The following CNR2 variants were observed in gnomAD, a reference collection of about 807,000 sequenced individuals.
CNR2 encodes the protein cannabinoid receptor 2.
For missense variants in CNR2, 379 were observed against 439.9 expected (o/e 0.86, Z 1.24); for synonymous variants, 172 against 182.2 (o/e 0.94, Z 0.45).
rs1405036437 is a variant in CNR2 at position 23,885,653 on chromosome 1, GT to G, written c.-45-9992del. Among the ~76,000 whole-genome samples, 9 of 151,632 alleles carry G rather than the reference GT, an allele frequency of 5.9e-5. 1 individual carries two copies. The highest frequency in any genetic ancestry group is 1.3e-4 in the Non-Finnish European group (9 of 67,784). ...CCAGCACTCTGGGAGGCTGAAGCAG[GT>G]GGATCACGAGATCAGGAGTTTGAGA... is the stretch of plus-strand genomic sequence containing the variant. On this transcript the variant is annotated intron_variant, in intron 1 of 1. Coordinates refer to ENST00000374472, the MANE Select transcript of CNR2 (RefSeq NM_001841.3).
intron 1 of CNR2, chr1:23,901,524 T>C (rs930790519): frequency 6.2e-7 from 1 of 1,603,850 alleles, no homozygotes; most frequent in African/African-American, 1.3e-5. Context: ...CCAGTCCCGT[T>C]GGTGCTGTCC....
intron 1 of CNR2, among the ~76,000 whole-genome samples, chr1:23,883,289 G>A (rs1396686061): frequency 2.0e-5 from 3 of 152,252 alleles, no homozygotes; most frequent in African/African-American, 7.2e-5. Flanking sequence ...ACTTTGAAGA[G>A]CAGCTTGGCA....
intron 1 of CNR2, chr1:23,902,796 C>T (rs1640423968): frequency 2.8e-6 from 4 of 1,427,210 alleles, no homozygotes; most frequent in African/African-American, 1.5e-5. Context: ...TGCGCGGGCG[C>T]GGGCGCGGGG....
At position 23,874,590 on chromosome 1, in the gene CNR2, T is replaced by C; in HGVS notation, c.1028A>G (p.Asp343Gly). The part of the protein sequence containing the change: ...PRSSVTETEA[D>G]GKITPWPDSR... The stretch of plus-strand genomic sequence containing the variant: ...ATCTGGCCACGGAGTGATTTTCCCA[T>C]CAGCCTCTGTCTCGGTGACTGAGGA... Residue 343 changes from aspartate (D) to glycine (G), a missense_variant, in exon 2 of 2, where the codon GAT becomes GGT. Asp to Gly is a moderately conservative substitution (Grantham distance 94). Coordinates refer to ENST00000374472, the MANE Select transcript of CNR2 (RefSeq NM_001841.3). 6.2e-7 allele frequency: 1 copy of C among 1,614,102 alleles called. No homozygotes were observed. Among genetic ancestry groups the C allele is most frequent in the Non-Finnish European group, 8.5e-7 (1 of 1,180,004 alleles).
intron 1 of CNR2, among the ~76,000 whole-genome samples, chr1:23,910,175 G>T (rs576549592): frequency 7.9e-6 from 1 of 125,880 alleles, no homozygotes; most frequent in East Asian, 2.3e-4. Context: ...TTCCTAGACT[G>T]GTCTTGAAGT....
At chr1:23,898,335 C>CCATT (rs1230917304) in intron 1 of CNR2, among the ~76,000 whole-genome samples, 1 of 108,192 alleles carries the variant, frequency 9.2e-6, no homozygotes, top group South Asian at 2.9e-4. Context: ...CCGCGCCCGG[C>CCATT]TTTTTTTTTT....
At chr1:23,876,467 T>A (rs894212323) in intron 1 of CNR2, among the ~76,000 whole-genome samples, 7 of 151,688 alleles carry the variant, frequency 4.6e-5, no homozygotes, top group Non-Finnish European at 1.0e-4. Context: ...CCTCCTAAAG[T>A]GCTGGAATTA....
At chr1:23,885,857 G>T (rs535095534) in intron 1 of CNR2, among the ~76,000 whole-genome samples, 180 of 148,406 alleles carry the variant, frequency 1.2e-3, no homozygotes, top group African/African-American at 4.3e-3. Flanking sequence ...CAGCCTGGGC[G>T]ACATAGCGAG....
At chr1:23,894,769 A>AG (rs1446306759) in intron 1 of CNR2, among the ~76,000 whole-genome samples, 1 of 93,504 alleles carries the variant, frequency 1.1e-5, no homozygotes, top group Non-Finnish European at 2.2e-5. Context: ...TTGTCTCAAA[A>AG]AAAAAAAGAA....
intron 1 of CNR2, among the ~76,000 whole-genome samples, chr1:23,890,866 TCTGG>T (rs1460251514): frequency 7.2e-6 from 1 of 138,788 alleles, no homozygotes; most frequent in Non-Finnish European, 1.5e-5. Flanking sequence ...TTAGTCCCCC[TCTGG>T]TCTTCTTCTT....
intron 1 of CNR2, among the ~76,000 whole-genome samples, chr1:23,900,517 T>C (rs1289316865): frequency 6.7e-6 from 1 of 150,352 alleles, no homozygotes; most frequent in African/African-American, 2.4e-5. Context: ...TTTTTTTTTT[T>C]TTTTTTTTGA....
At chr1:23,888,169 T>A (rs985269328) in intron 1 of CNR2, among the ~76,000 whole-genome samples, 1 of 152,180 alleles carries the variant, frequency 6.6e-6, no homozygotes, top group African/African-American at 2.4e-5. Context: ...ACTGAGCCAG[T>A]GTACACCTTA....
chr1:23,876,709 C>T (rs1639882297), intron 1 of CNR2, among the ~76,000 whole-genome samples: 2 of 151,876 alleles, frequency 1.3e-5, no homozygotes, highest in African/African-American at 2.4e-5. Flanking sequence ...ATGGCACGTG[C>T]CTGTAGTCCC....
chr1:23,880,618 T>A (rs1043143128), intron 1 of CNR2, among the ~76,000 whole-genome samples: 1 of 152,020 alleles, frequency 6.6e-6, no homozygotes, highest in Non-Finnish European at 1.5e-5. Context: ...CAGGCTGGAG[T>A]GCAATGGCGC....
At chr1:23,909,445 G>T (rs146619839) in intron 1 of CNR2, among the ~76,000 whole-genome samples, 185 of 152,256 alleles carry the variant, frequency 1.2e-3, no homozygotes, top group African/African-American at 4.4e-3. Context: ...CCTCTCCCGA[G>T]ACTTCAGTGT....
Position 23,874,934 on chromosome 1 carries a change from G to A in CNR2, c.684C>T (p.Asp228=), listed in dbSNP as rs760759238. Residue 228 remains aspartate, a synonymous_variant, in exon 2 of 2, where the codon GAC becomes GAT. Transcript: ENST00000374472. ...TTCGGGCCATTCCTGGCACCTGCCT[G>A]TCCTGGTGGCCAGACAAGCTGGCCA... ...QHVASLSGHQ[D]RQVPGMARMR... The A allele has an allele frequency of 1.1e-5, 17 of 1,612,440 alleles. No homozygotes were observed. The East Asian group carries it at 3.3e-4, about 32-fold the overall frequency.
chr1:23,890,601 C>T lies in CNR2; in HGVS notation c.-45-14939G>A, dbSNP rs557341240. Among the ~76,000 whole-genome samples, 10 of 151,950 alleles carry T rather than the reference C, an allele frequency of 6.6e-5. No individual in the cohort carries two copies. The South Asian group carries it at 1.7e-3, about 25-fold the overall frequency. On this transcript the variant is annotated intron_variant, in intron 1 of 1. Transcript: ENST00000374472. ...TCTCTACTAAAAATACAAAATTAGC[C>T]GGGCGTGGTGGTGCACTCTTGTAAT...
At chr1:23,893,815 C>G (rs898210225) in intron 1 of CNR2, among the ~76,000 whole-genome samples, 1 of 152,164 alleles carries the variant, frequency 6.6e-6, no homozygotes, top group Non-Finnish European at 1.5e-5. Flanking sequence ...GAAATTGGGG[C>G]TCAGGAATGT....
Position 23,875,604 on chromosome 1 carries a change from C to T in CNR2, c.14G>A (p.Trp5Ter), listed in dbSNP as rs202092094. The T allele has an allele frequency of 1.2e-5, 20 of 1,602,732 alleles. No individual in the cohort carries two copies. Among genetic ancestry groups the T allele is most frequent in the Non-Finnish European group, 1.6e-5 (19 of 1,172,440 alleles). Reference sequence around the variant, plus strand: ...GGAGCCATTGGCTATCTCTGTCACCCAGCATTCCTCCATGGGGTGGGCCCT... The same window carrying T: ...GGAGCCATTGGCTATCTCTGTCACCTAGCATTCCTCCATGGGGTGGGCCCT... MEEC[W>*]VTEIANGSKD... Residue 5 changes from tryptophan to a stop codon, truncating the protein, a stop_gained, in exon 2 of 2, where the codon TGG becomes TAG. Coordinates refer to ENST00000374472, the MANE Select transcript of CNR2 (RefSeq NM_001841.3). LOFTEE classifies it low-confidence loss of function (END_TRUNC).
Sources: allele counts gnomAD v4.1 joint callset (sites outside exome capture counted in the v4.1 genomes callset), GRCh38; gene constraint gnomAD v4.1.1; transcripts MANE v1.5; gene names NCBI Gene and HGNC (gene_info 2026-07-23, HGNC 2026-07-21).